The following SENP7 variants were observed in gnomAD, a reference collection of about 807,000 sequenced individuals.
SENP7 encodes the protein sentrin-specific protease 7.
In SENP7, 64 loss-of-function variants were observed where a neutral mutation model predicts 141.2. The ratio of observed to expected loss-of-function variants is 0.45; its 90% CI spans 0.37 to 0.56. The LOEUF is 0.56. SENP7 is among the 20% of genes least tolerant of loss of function. The probability of loss-of-function intolerance (pLI) is 0.00; values close to 1 mark genes in which losing one functional copy is unlikely to be tolerated. For synonymous variants in SENP7, 382 were observed against 426.4 expected (o/e 0.90, Z 1.28); for missense variants, 1,025 against 1,212.2 (o/e 0.85, Z 2.29).
chr3:101,488,491 AC>A lies in SENP7; in HGVS notation c.186+5381del, dbSNP rs1252104565. 4.6e-5 allele frequency among the ~76,000 whole-genome samples: 7 copies of A among 152,314 alleles called. No individual in the cohort carries two copies. The East Asian group carries it at 1.3e-3, about 29-fold the overall frequency. ...AGAAAGAATGGGAGAGAATACGCAA[AC>A]TGGAAAATACATTTGAGGATATGGT... On this transcript the variant is annotated intron_variant, in intron 3 of 23. Coordinates refer to ENST00000394095, the MANE Select transcript of SENP7 (RefSeq NM_020654.5).
intron 4 of SENP7, among the ~76,000 whole-genome samples, chr3:101,449,297 G>C (rs1362948618): frequency 2.6e-5 from 4 of 152,176 alleles, no homozygotes; most frequent in Non-Finnish European, 5.9e-5. Context: ...AAAACACTCT[G>C]CAGGATATTA....
At chr3:101,450,746 T>C (rs542550170) in intron 4 of SENP7, among the ~76,000 whole-genome samples, 45 of 151,992 alleles carry the variant, frequency 3.0e-4, no homozygotes, top group Admixed American at 2.2e-3. Context: ...CACTAAATGC[T>C]CACAAGAGAA....
In SENP7 at chr3:101,395,343, G is replaced by T. The variant is rs182575126; in HGVS notation, c.677+3518C>A. On this transcript the variant is annotated intron_variant, in intron 6 of 23. Transcript: ENST00000394095. ...TTTTTATATGTGGTGAGAGACAGGG[G>T]TCTAGTTTCACTCTTCTGCATATTT... 7.9e-5 allele frequency among the ~76,000 whole-genome samples: 12 copies of T among 152,254 alleles called. No individual in the cohort carries two copies. The East Asian group carries it at 2.3e-3, about 29-fold the overall frequency.
chr3:101,465,200 T>C (rs1411278418), intron 3 of SENP7, among the ~76,000 whole-genome samples: 1 of 151,996 alleles, frequency 6.6e-6, no homozygotes, highest in Non-Finnish European at 1.5e-5. Flanking sequence ...CCTGTGCACA[T>C]CATCCTCCAG....
intron 4 of SENP7, among the ~76,000 whole-genome samples, chr3:101,443,147 C>T (rs939752423): frequency 2.0e-5 from 3 of 152,128 alleles, no homozygotes; most frequent in Non-Finnish European, 4.4e-5. Flanking sequence ...GGAAGGGATC[C>T]AGTTTCAGCT....
At chr3:101,374,938 T>A (rs2060278244) in intron 6 of SENP7, among the ~76,000 whole-genome samples, 1 of 151,714 alleles carries the variant, frequency 6.6e-6, no homozygotes, top group Non-Finnish European at 1.5e-5. Flanking sequence ...AAATAACAAT[T>A]AAAAAATGGG....
At chr3:101,372,180 G>C in intron 6 of SENP7, 54 bp from the exon 7 acceptor site, 2 of 877,362 alleles carry the variant, frequency 2.3e-6, no homozygotes, top group Non-Finnish European at 1.7e-6. Flanking sequence ...AATGAATTTA[G>C]AAGCCAACTA....
chr3:101,349,844 C>G (rs560311832), intron 12 of SENP7, among the ~76,000 whole-genome samples: 1 of 152,196 alleles, frequency 6.6e-6, no homozygotes, highest in South Asian at 2.1e-4. Flanking sequence ...ACCCACTTAT[C>G]CATTTCTTCT....
At chr3:101,328,348 T>C (rs1189416098) in intron 22 of SENP7, 130 bp downstream of exon 22, 6 of 597,988 alleles carry the variant, frequency 1.0e-5, no homozygotes, top group African/African-American at 9.3e-5. Flanking sequence ...ATTGATTAAA[T>C]TTATAGGATT....
At chr3:101,369,837 C>A (rs2060130184) in intron 7 of SENP7, among the ~76,000 whole-genome samples, 1 of 152,078 alleles carries the variant, frequency 6.6e-6, no homozygotes, top group Non-Finnish European at 1.5e-5. Context: ...ATTCCACCTG[C>A]ATAATATATA....
intron 3 of SENP7, among the ~76,000 whole-genome samples, chr3:101,467,247 G>A (rs868544209): frequency 1.3e-5 from 2 of 152,232 alleles, no homozygotes; most frequent in African/African-American, 4.8e-5. Context: ...CCACCTCTGC[G>A]GGCAGGGCAT....
At chr3:101,476,925 C>T (rs913621161) in intron 3 of SENP7, among the ~76,000 whole-genome samples, 11 of 152,040 alleles carry the variant, frequency 7.2e-5, no homozygotes, top group Non-Finnish European at 8.8e-5. Context: ...TCATATCCTT[C>T]GCCCACTTTT....
chr3:101,331,884 G>T (rs2059064545), intron 19 of SENP7, 101 bp downstream of exon 19: 2 of 1,141,606 alleles, frequency 1.8e-6, no homozygotes, highest in South Asian at 1.8e-5. Flanking sequence ...TAGGTTTAAT[G>T]ATAGTAAATA....
chr3:101,383,353 G>T (rs531226568), intron 6 of SENP7, among the ~76,000 whole-genome samples: 44 of 152,322 alleles, frequency 2.9e-4, no homozygotes, highest in African/African-American at 9.1e-4. Context: ...AGTGGGGGAG[G>T]CACAGCCGGG....
At chr3:101,444,584 C>A (rs2062812613) in intron 4 of SENP7, among the ~76,000 whole-genome samples, 1 of 152,030 alleles carries the variant, frequency 6.6e-6, no homozygotes, top group Admixed American at 6.6e-5. Context: ...GCGTTCATGT[C>A]CTTTGTAGGG....
At chr3:101,376,966 AT>A (rs1008324546) in intron 6 of SENP7, among the ~76,000 whole-genome samples, 89 of 152,180 alleles carry the variant, frequency 5.8e-4, no homozygotes, top group African/African-American at 2.0e-3. Flanking sequence ...AAGTTGTAAG[AT>A]TTTTTTTAAA....
At chr3:101,365,107 AT>A in intron 9 of SENP7, 116 bp from the exon 10 acceptor site, 4 of 549,786 alleles carry the variant, frequency 7.3e-6, no homozygotes, top group Non-Finnish European at 1.1e-5. Context: ...GGCTCAGGCA[AT>A]TCTCCTACCT....
intron 12 of SENP7, among the ~76,000 whole-genome samples, chr3:101,348,647 G>C (rs528888443): frequency 2.0e-5 from 3 of 152,050 alleles, no homozygotes; most frequent in Admixed American, 2.0e-4. Context: ...AGGAGGTTCT[G>C]AATGGTCTAA....
intron 1 of SENP7, among the ~76,000 whole-genome samples, chr3:101,502,030 A>AT (rs2065402614): frequency 6.6e-6 from 1 of 152,266 alleles, no homozygotes; most frequent in African/African-American, 2.4e-5. Context: ...AAGCATCTAG[A>AT]TTTAAGTAGG....
Sources: allele counts gnomAD v4.1 joint callset (sites outside exome capture counted in the v4.1 genomes callset), GRCh38; gene constraint gnomAD v4.1.1; transcripts MANE v1.5; gene names NCBI Gene and HGNC (gene_info 2026-07-23, HGNC 2026-07-21).